The following ADAMTS18 variants were observed in gnomAD, a reference collection of about 807,000 sequenced individuals.
The protein encoded by ADAMTS18 is A disintegrin and metalloproteinase with thrombospondin motifs 18.
Under a neutral mutation model 165.9 loss-of-function variants are expected in ADAMTS18, and 157 were observed. The ratio of observed to expected loss-of-function variants is 0.95; its 90% CI spans 0.83 to 1.08. The LOEUF (loss-of-function observed/expected upper bound fraction) is 1.08. Ranked by LOEUF, ADAMTS18 falls within the 50% of genes least tolerant of loss-of-function variation. The pLI is 0.00. For missense variants in ADAMTS18, 2,040 were observed against 1,534.0 expected (o/e 1.33, Z -5.51); for synonymous variants, 782 against 578.2 (o/e 1.35, Z -5.06).
chr16:77,408,631 C>G (rs2057421924), intron 3 of ADAMTS18, among the ~76,000 whole-genome samples: 1 of 151,998 alleles, frequency 6.6e-6, no homozygotes, highest in African/African-American at 2.4e-5. Context: ...TGCATGTATA[C>G]AAAGTTCAAA....
rs1459738374 is a variant in ADAMTS18, at chr16:77,299,980, A to T, written c.2674+283T>A. 1.1e-5 allele frequency: 3 copies of T among 261,252 alleles called. No individual in the cohort carries two copies. In the East Asian group the frequency reaches 2.4e-4, roughly 21 times the overall value. 16.2% of individuals were successfully genotyped at this position (261,252 alleles called of 1,614,324 possible). Reference sequence around the variant, plus strand: ...ATATATATAATATAAATATGCTTCTATTTGTAAATAATTCAATATATTTTA... The same window carrying T: ...ATATATATAATATAAATATGCTTCTTTTTGTAAATAATTCAATATATTTTA... On this transcript the variant is annotated intron_variant, in intron 17 of 22. Transcript: ENST00000282849.
chr16:77,306,453 G>A (rs1261369899), intron 16 of ADAMTS18, among the ~76,000 whole-genome samples: 1 of 152,110 alleles, frequency 6.6e-6, no homozygotes, highest in East Asian at 1.9e-4. Context: ...CAATAATCAC[G>A]GGTAAATGAT....
rs183841226 is a variant in ADAMTS18 at position 77,282,958 on chromosome 16, C to T, written c.*998G>A. On this transcript the variant is annotated 3_prime_UTR_variant, in exon 23 of 23. Transcript: ENST00000282849. ...AGCTCAATCCTAGGGCAAATTTAAA[C>T]GTATCAGTTGGTAGGAAAAAGCCAC... 7.8e-5 allele frequency: 9 copies of T among 114,988 alleles called. No individual in the cohort carries two copies. Among genetic ancestry groups the T allele is most frequent in the Middle Eastern group, 0.01 (1 of 100 alleles). 7.1% of individuals were successfully genotyped at this position (114,988 alleles called of 1,614,324 possible).
intron 20 of ADAMTS18, among the ~76,000 whole-genome samples, chr16:77,292,250 A>T (rs1437348125): frequency 6.6e-6 from 1 of 152,162 alleles, no homozygotes; most frequent in Non-Finnish European, 1.5e-5. Context: ...GTGAGCTGAG[A>T]TTTTGCCACT....
chr16:77,367,315 C>G, intron 4 of ADAMTS18, 126 bp downstream of exon 4: 1 of 1,014,150 alleles, frequency 9.9e-7, no homozygotes, highest in East Asian at 2.5e-5. Flanking sequence ...AATTACTGGT[C>G]CTACACCAAG....
chr16:77,410,802 GT>G (rs2057452378), intron 3 of ADAMTS18, among the ~76,000 whole-genome samples: 1 of 152,160 alleles, frequency 6.6e-6, no homozygotes, highest in South Asian at 2.1e-4. Flanking sequence ...CCAGGACTGA[GT>G]ACAGGTAGCT....
chr16:77,425,417 G>A (rs1378005512), intron 3 of ADAMTS18, among the ~76,000 whole-genome samples: 2 of 152,130 alleles, frequency 1.3e-5, no homozygotes, highest in African/African-American at 2.4e-5. Flanking sequence ...ATCAGACACC[G>A]GGCAGAAGAT....
At chr16:77,411,181 G>A (rs1326140485) in intron 3 of ADAMTS18, among the ~76,000 whole-genome samples, 2 of 152,136 alleles carry the variant, frequency 1.3e-5, no homozygotes, top group Admixed American at 6.6e-5. Context: ...CCTTGCCACA[G>A]GGCATTCATA....
chr16:77,407,093 T>C (rs2057402377), intron 3 of ADAMTS18, among the ~76,000 whole-genome samples: 1 of 152,004 alleles, frequency 6.6e-6, no homozygotes, highest in Non-Finnish European at 1.5e-5. Context: ...TGAATCTAAA[T>C]AAAAATTGAA....
chr16:77,342,135 G>T (rs773960142), intron 10 of ADAMTS18, among the ~76,000 whole-genome samples: 1 of 152,106 alleles, frequency 6.6e-6, no homozygotes, highest in Non-Finnish European at 1.5e-5. Context: ...ATCAAGATTG[G>T]AATAAAGCAA....
Position 77,355,927 on chromosome 16 carries a change from T to G in ADAMTS18, c.1460+13A>C, listed in dbSNP as rs1033258477. On this transcript the variant is annotated intron_variant, in intron 9 of 22. Transcript: ENST00000282849. ...CCAAACCTAGGAGCACCCCAGGATT[T>G]AACCTGTCATACCTGAGGAATTTCT... The G allele has an allele frequency of 6.2e-7, 1 of 1,613,936 alleles. No individual in the cohort carries two copies. The highest frequency in any genetic ancestry group is 8.5e-7 in the Non-Finnish European group (1 of 1,179,854).
chr16:77,326,238 A>T (rs1003315263), intron 12 of ADAMTS18, among the ~76,000 whole-genome samples, 200 bp from the exon 13 acceptor site: 2 of 152,174 alleles, frequency 1.3e-5, no homozygotes, highest in Non-Finnish European at 1.5e-5. Context: ...TAACTAATCA[A>T]TCAGGGGATT....
intron 16 of ADAMTS18, among the ~76,000 whole-genome samples, chr16:77,314,789 A>T (rs866914448): frequency 0.017 from 551 of 32,494 alleles, 35 homozygotes; most frequent in African/African-American, 0.065. Context: ...TATATATAAA[A>T]TATATGTGAT....
At position 77,334,454 on chromosome 16, in the gene ADAMTS18, A is replaced by G. The variant is rs1436976499; in HGVS notation, c.1859+1302T>C. Among the ~76,000 whole-genome samples the G allele has an allele frequency of 2.7e-5, 3 of 112,512 alleles. No homozygotes were observed. In the East Asian group the frequency reaches 7.5e-4, roughly 28 times the overall value. 73.8% of individuals were successfully genotyped at this position (112,512 alleles called of 152,430 possible). A position where few individuals can be genotyped will look rare whatever the true frequency, so the allele number is the denominator to read the frequency against. On this transcript the variant is annotated intron_variant, in intron 12 of 22. Coordinates refer to ENST00000282849, the MANE Select transcript of ADAMTS18 (RefSeq NM_199355.4). ...TACTGTATATTATAGTATATATTAT[A>G]TAGTATATATACTGTATATTATAGT...
chr16:77,426,643 G>C (rs2057676617), intron 3 of ADAMTS18, among the ~76,000 whole-genome samples: 1 of 152,166 alleles, frequency 6.6e-6, no homozygotes, highest in Admixed American at 6.5e-5. Context: ...CTACGACCTG[G>C]ATCTAACATG....
chr16:77,316,951 GCCA>G (rs1353418624), intron 16 of ADAMTS18, among the ~76,000 whole-genome samples: 2 of 152,148 alleles, frequency 1.3e-5, no homozygotes. Flanking sequence ...ACAGGGGTGA[GCCA>G]CCATACCCAG....
chr16:77,318,253 CA>C (rs1364381569), intron 16 of ADAMTS18, among the ~76,000 whole-genome samples: 2 of 152,166 alleles, frequency 1.3e-5, no homozygotes, highest in Non-Finnish European at 2.9e-5. Flanking sequence ...CTCCAAAGAG[CA>C]AACTATCTAT....
chr16:77,434,149 A>ATT (rs36037118), intron 2 of ADAMTS18, among the ~76,000 whole-genome samples: 5 of 148,164 alleles, frequency 3.4e-5, no homozygotes, highest in Non-Finnish European at 5.9e-5. Context: ...TGCAGTTAGG[A>ATT]TTTTTTTTTT....
At position 77,282,916 on chromosome 16, in the gene ADAMTS18, T is replaced by C. The variant is rs1459746896; in HGVS notation, c.*1040A>G. ...CTCCTTTCTTTCTCTCTTTTTTTTT[T>C]TTTTTTTTTTGCTGTTAGCTCAATC... is the stretch of plus-strand genomic sequence containing the variant. On this transcript the variant is annotated 3_prime_UTR_variant, in exon 23 of 23. Transcript: ENST00000282849. 6.8e-6 allele frequency: 1 copy of C among 147,084 alleles called. No individual in the cohort carries two copies. Among genetic ancestry groups the C allele is most frequent in the Non-Finnish European group, 1.5e-5 (1 of 66,468 alleles). 9.1% of individuals were successfully genotyped at this position (147,084 alleles called of 1,614,324 possible). A position where few individuals can be genotyped will look rare whatever the true frequency, so the allele number is the denominator to read the frequency against.
Sources: allele counts gnomAD v4.1 joint callset (sites outside exome capture counted in the v4.1 genomes callset), GRCh38; gene constraint gnomAD v4.1.1; transcripts MANE v1.5; gene names NCBI Gene and HGNC (gene_info 2026-07-23, HGNC 2026-07-21).